Variants in LDHAL6A observed in about 807,000 individuals in gnomAD.
LDHAL6A encodes the protein lactate dehydrogenase A like 6A, also known as L-lactate dehydrogenase A-like 6A.
In LDHAL6A, 19 loss-of-function variants were observed where a neutral mutation model predicts 28.2. The observed-to-expected ratio is 0.67, with a 90% CI of 0.47 to 0.99. The LOEUF (loss-of-function observed/expected upper bound fraction) is 0.99, where lower values mean the gene tolerates loss of function less well. LDHAL6A is among the 50% of genes least tolerant of loss of function. The pLI, the probability that LDHAL6A is intolerant of heterozygous loss-of-function variation, is 0.00. For missense variants in LDHAL6A, 372 were observed against 398.6 expected, an observed-to-expected ratio of 0.93 and a Z score of 0.57; for synonymous variants, 144 against 134.4, an observed-to-expected ratio of 1.07 and a Z score of -0.49.
intron 3 of LDHAL6A, chr11:18,469,113 A>G: frequency 2.0e-6 from 1 of 502,848 alleles, no homozygotes; most frequent in Non-Finnish European, 3.5e-6. Flanking sequence ...TCACGGTGTC[A>G]TTTTTGAAAG....
At chr11:18,469,916 C>G (rs1312304048) in intron 3 of LDHAL6A, among the ~76,000 whole-genome samples, 1 of 151,904 alleles carries the variant, frequency 6.6e-6, no homozygotes, top group Non-Finnish European at 1.5e-5. Context: ...AGATTTTTTC[C>G]CCCCCGAATG....
In LDHAL6A at chr11:18,475,472, T is replaced by A. The variant is rs1434833332; in HGVS notation, c.425T>A (p.Ile142Asn). The change falls in exon 4 of 7, where the codon ATC becomes AAC. Residue 142 changes from isoleucine (I) to asparagine (N), a missense_variant. Physicochemically the swap from Ile to Asn is moderately radical, Grantham distance 149. Around this residue, in one of 3 missense-constraint regions of LDHAL6A, gnomAD observed 291 missense variants for 302.9 expected, o/e 0.96. Transcript: ENST00000280706. ...KLLIVTNPVDILTYVAWKLSG... is the reference protein window; with the variant it reads ...KLLIVTNPVDNLTYVAWKLSG... Reference sequence around the variant, plus strand: ...ATGAACTTTTTCTTCTTAGTGGATATCTTAACTTATGTAGCCTGGAAGTTG... The same window carrying A: ...ATGAACTTTTTCTTCTTAGTGGATAACTTAACTTATGTAGCCTGGAAGTTG... 6.2e-7 allele frequency: 1 copy of A among 1,612,388 alleles called. No homozygotes were observed. Among genetic ancestry groups the A allele is most frequent in the African/African-American group, 1.3e-5 (1 of 74,860 alleles).
chr11:18,462,363 T>C (rs559259592), intron 1 of LDHAL6A, among the ~76,000 whole-genome samples: 32 of 151,486 alleles, frequency 2.1e-4, no homozygotes, highest in Middle Eastern at 3.4e-3. Context: ...ATTGGCCGGG[T>C]GCGGTGTCTC....
At chr11:18,473,030 A>G (rs193153271) in intron 3 of LDHAL6A, among the ~76,000 whole-genome samples, 96 of 152,260 alleles carry the variant, frequency 6.3e-4, no homozygotes, top group Middle Eastern at 3.4e-3. Flanking sequence ...TGATTTGTGA[A>G]ATATTGTCCT....
At chr11:18,469,312 C>A in intron 3 of LDHAL6A, 1 of 473,722 alleles carries the variant, frequency 2.1e-6, no homozygotes, top group South Asian at 3.8e-5. Flanking sequence ...CTCAAAGTAC[C>A]GCGTCATTAA....
chr11:18,463,809 TATC>T lies in LDHAL6A; in HGVS notation c.127-149_127-147del, dbSNP rs1399641313. 66 of 577,148 alleles carry T rather than the reference TATC, an allele frequency of 1.1e-4. No homozygotes were observed. The African/African-American group carries it at 1.2e-3, about 10-fold the overall frequency. The allele number at this position is 577,148 out of a possible 1,614,324, so 35.8% of individuals were successfully genotyped here. The stretch of plus-strand genomic sequence containing the variant: ...GTATTTTTTCTGGTTTAGACTTTTA[TATC>T]ATGACAAAATGATGAGATCATTTAT... On this transcript the variant is annotated intron_variant, in intron 1 of 6. Coordinates refer to ENST00000280706, the MANE Select transcript of LDHAL6A (RefSeq NM_144972.5).
At position 18,464,982 on chromosome 11, in the gene LDHAL6A, T is replaced by TG. The variant is rs948963818; in HGVS notation, c.245-655_245-654insG. ...GGAGGTGAGGTGTTTTTTTTGTTTT[T>TG]TTTTGTTTTGTTTTGTTTTGGTTTG... is the stretch of plus-strand genomic sequence containing the variant. On this transcript the variant is annotated intron_variant, in intron 2 of 6. Transcript: ENST00000280706. 5.5e-4 allele frequency among the ~76,000 whole-genome samples: 76 copies of TG among 136,950 alleles called. 2 individuals are homozygous for TG. Among genetic ancestry groups the TG allele is most frequent in the East Asian group, 4.5e-3 (23 of 5,104 alleles). The allele number at this position is 136,950 out of a possible 152,430, so 89.8% of individuals were successfully genotyped here.
rs1849349137 is a variant in LDHAL6A, at chr11:18,475,446, T to TA, written c.419-19dup. 3 of 1,587,686 alleles carry TA rather than the reference T, an allele frequency of 1.9e-6. No individual in the cohort carries two copies. In the African/African-American group the frequency reaches 4.0e-5, roughly 21 times the overall value. On this transcript the variant is annotated intron_variant, in intron 3 of 6. Coordinates refer to ENST00000280706, the MANE Select transcript of LDHAL6A (RefSeq NM_144972.5). Reference sequence around the variant, plus strand: ...CCTTGTAGATGAGGACATTTCTTGATATGAACTTTTTCTTCTTAGTGGATA... The same window carrying TA: ...CCTTGTAGATGAGGACATTTCTTGATAATGAACTTTTTCTTCTTAGTGGATA...
rs1255477038 is a variant in LDHAL6A, at chr11:18,475,491, G to C, written c.444G>C (p.Trp148Cys). The change falls in exon 4 of 7, where the codon TGG becomes TGC. Residue 148 changes from tryptophan (W) to cysteine (C), a missense_variant. Around this residue, in one of 3 missense-constraint regions of LDHAL6A, gnomAD observed 291 missense variants for 302.9 expected, o/e 0.96. Coordinates refer to ENST00000280706, the MANE Select transcript of LDHAL6A (RefSeq NM_144972.5). Reference protein sequence around the residue: ...NPVDILTYVAWKLSGFPKNRV... With the variant: ...NPVDILTYVACKLSGFPKNRV... ...TGGATATCTTAACTTATGTAGCCTG[G>C]AAGTTGAGTGGATTTCCCAAAAACC... 4 of 1,613,686 alleles carry C rather than the reference G, an allele frequency of 2.5e-6. No homozygotes were observed. The highest frequency in any genetic ancestry group is 3.4e-6 in the Non-Finnish European group (4 of 1,179,830).
At position 18,475,565 on chromosome 11, in the gene LDHAL6A, T is replaced by C. The variant is rs1464373151; in HGVS notation, c.518T>C (p.Phe173Ser). The C allele has an allele frequency of 2.5e-6, 4 of 1,614,142 alleles. No homozygotes were observed. In the Admixed American group the frequency reaches 6.7e-5, roughly 27 times the overall value. ...CTGGACTCTGCTCGTTTTCGTTACT[T>C]TATTGGGCAAAGGCTTGGCATCCAC... ...CNLDSARFRY[F>S]IGQRLGIHSE... The change falls in exon 4 of 7, where the codon TTT becomes TCT. Residue 173 changes from phenylalanine to serine, a missense_variant. Physicochemically the swap from Phe to Ser is radical, Grantham distance 155. Transcript: ENST00000280706.
chr11:18,469,288 A>G, intron 3 of LDHAL6A: 1 of 532,266 alleles, frequency 1.9e-6, no homozygotes, highest in Non-Finnish European at 3.3e-6. Flanking sequence ...GATTTGCACT[A>G]AAACGCCTCT....
intron 4 of LDHAL6A, 35 bp from the exon 5 acceptor site, chr11:18,476,349 T>C (rs1319841444): frequency 2.5e-6 from 4 of 1,601,980 alleles, no homozygotes; most frequent in South Asian, 1.1e-5. Flanking sequence ...GCTAATACCA[T>C]GTAAGAAGTG....
Position 18,464,985 on chromosome 11 carries a change from TTGTTTTGTTTTG to T in LDHAL6A, c.245-650_245-639del, listed in dbSNP as rs1344429834. ...GGTGAGGTGTTTTTTTTGTTTTTTT[TTGTTTTGTTTTG>T]TTTTGGTTTGTTTTTGAGACAGTGT... is the stretch of plus-strand genomic sequence containing the variant. On this transcript the variant is annotated intron_variant, in intron 2 of 6. Coordinates refer to ENST00000280706, the MANE Select transcript of LDHAL6A (RefSeq NM_144972.5). Among the ~76,000 whole-genome samples the T allele has an allele frequency of 1.0e-4, 13 of 127,206 alleles. 1 individual carries two copies. The highest frequency in any genetic ancestry group is 3.2e-4 in the African/African-American group (10 of 31,274). 83.5% of individuals were successfully genotyped at this position (127,206 alleles called of 152,430 possible).
rs1433918871 is a variant in LDHAL6A at position 18,456,757 on chromosome 11, T to C, written c.77T>C (p.Val26Ala). The change falls in exon 1 of 7, where the codon GTA becomes GCA. Residue 26 changes from valine (V) to alanine (A), a missense_variant. Transcript: ENST00000280706. ...EAIHHNKISI[V>A]GTGSVGVACA... is the part of the protein sequence containing the mutation. ...ATTCATCACAATAAGATCTCCATTG[T>C]AGGAACTGGATCGGTTGGTGTGGCT... The C allele has an allele frequency of 3.1e-6, 5 of 1,613,946 alleles. No homozygotes were observed. In the African/African-American group the frequency reaches 4.0e-5, roughly 13 times the overall value.
At position 18,467,894 on chromosome 11, in the gene LDHAL6A, TATATATATATATATATATATATATAC is replaced by T. The variant is rs1565070805; in HGVS notation, c.418+2086_418+2111del. On this transcript the variant is annotated intron_variant, in intron 3 of 6. Coordinates refer to ENST00000280706, the MANE Select transcript of LDHAL6A (RefSeq NM_144972.5). ...ATATATACACACATATATATATATA[TATATATATATATATATATATATATAC>T]ACACACATATATATATACACACACA... 3.7e-3 allele frequency among the ~76,000 whole-genome samples: 255 copies of T among 68,570 alleles called. 26 individuals are homozygous for T. Among genetic ancestry groups the T allele is most frequent in the Admixed American group, 0.034 (204 of 5,966 alleles). The allele number at this position is 68,570 out of a possible 152,430, so 45.0% of individuals were successfully genotyped here.
intron 1 of LDHAL6A, among the ~76,000 whole-genome samples, chr11:18,461,499 A>G (rs1247631568): frequency 6.6e-6 from 1 of 152,134 alleles, no homozygotes; most frequent in East Asian, 1.9e-4. Context: ...CCAAGGAAAA[A>G]TTTATTATGT....
At chr11:18,469,145 A>G in intron 3 of LDHAL6A, 1 of 581,118 alleles carries the variant, frequency 1.7e-6, no homozygotes, top group Non-Finnish European at 3.0e-6. Context: ...AGAGATTCTG[A>G]TATGACTCAG....
rs753472172 is a variant in LDHAL6A, at chr11:18,463,965, T to G, written c.131T>G (p.Leu44Trp). 6 of 1,609,612 alleles carry G rather than the reference T, an allele frequency of 3.7e-6. No individual in the cohort carries two copies. In the Admixed American group the frequency reaches 1.0e-4, roughly 27 times the overall value. ...ACAISILLKG[L>W]SDELVLVDVD... Reference sequence around the variant, plus strand: ...TGGACTAACAATGTTTTTCAGGGTTTGAGTGATGAACTTGTCCTTGTGGAT... The same window carrying G: ...TGGACTAACAATGTTTTTCAGGGTTGGAGTGATGAACTTGTCCTTGTGGAT... Residue 44 changes from leucine to tryptophan, a missense_variant, in exon 2 of 7, where the codon TTG becomes TGG. Coordinates refer to ENST00000280706, the MANE Select transcript of LDHAL6A (RefSeq NM_144972.5).
chr11:18,472,894 T>C (rs1590258885), intron 3 of LDHAL6A, among the ~76,000 whole-genome samples: 1 of 152,210 alleles, frequency 6.6e-6, no homozygotes, highest in Non-Finnish European at 1.5e-5. Flanking sequence ...AATATGAAAG[T>C]GAACTCTTTA....
Sources: allele counts gnomAD v4.1 joint callset (sites outside exome capture counted in the v4.1 genomes callset), GRCh38; gene constraint gnomAD v4.1.1; regional missense constraint gnomAD v4.1.1; transcripts MANE v1.5; gene names NCBI Gene and HGNC (gene_info 2026-07-23, HGNC 2026-07-21).